The following BMPR1A variants were observed in gnomAD, a reference collection of about 807,000 sequenced individuals.
BMPR1A encodes bone morphogenetic protein receptor type-1A.
A neutral mutation model predicts 66.0 loss-of-function variants in BMPR1A; 7 were observed. That is an observed-to-expected ratio of 0.11 (90% CI 0.06 to 0.20). BMPR1A has a LOEUF of 0.20. BMPR1A is among the 10% of genes least tolerant of loss of function. The probability of loss-of-function intolerance (pLI) is 1.00; values close to 1 mark genes in which losing one functional copy is unlikely to be tolerated. For synonymous variants in BMPR1A, 200 were observed against 229.7 expected, an observed-to-expected ratio of 0.87 and a Z score of 1.17; for missense variants, 408 against 669.1, an observed-to-expected ratio of 0.61 and a Z score of 4.31.
At chr10:86,868,551 G>A (rs1029079929) in intron 2 of BMPR1A, among the ~76,000 whole-genome samples, 2 of 152,240 alleles carry the variant, frequency 1.3e-5, no homozygotes, top group African/African-American at 4.8e-5. Flanking sequence ...TTCCTTCTCA[G>A]AAAGCTTGTC....
At chr10:86,876,225 A>G (rs1185990220) in intron 3 of BMPR1A, 140 bp downstream of exon 3, 1 of 745,932 alleles carries the variant, frequency 1.3e-6, no homozygotes, top group Admixed American at 2.2e-5. Flanking sequence ...CAAAGATGAA[A>G]CACGTGCCAA....
intron 1 of BMPR1A, among the ~76,000 whole-genome samples, chr10:86,783,067 A>G (rs144201267): frequency 6.6e-6 from 1 of 152,188 alleles, no homozygotes; most frequent in Non-Finnish European, 1.5e-5. Flanking sequence ...ATAAGGATCC[A>G]TCTTCATTCT....
chr10:86,905,089 C>T (rs999853465), intron 7 of BMPR1A, among the ~76,000 whole-genome samples: 6 of 152,150 alleles, frequency 3.9e-5, no homozygotes, highest in African/African-American at 1.2e-4. Context: ...TTTTGTTTGC[C>T]TCATTAATAT....
At chr10:86,829,110 A>G (rs369716329) in intron 1 of BMPR1A, among the ~76,000 whole-genome samples, 14 of 152,160 alleles carry the variant, frequency 9.2e-5, no homozygotes, top group East Asian at 3.9e-4. Flanking sequence ...CTGAGCACCC[A>G]GAAGTTGACC....
At chr10:86,862,996 CTCTGAGACAG>C (rs1422559973) in intron 2 of BMPR1A, among the ~76,000 whole-genome samples, 16 of 150,506 alleles carry the variant, frequency 1.1e-4, no homozygotes, top group African/African-American at 3.9e-4. Flanking sequence ...TTTTTTCCCC[CTCTGAGACAG>C]TCTCGCTTTG....
At chr10:86,895,050 A>G (rs1843206543) in intron 5 of BMPR1A, among the ~76,000 whole-genome samples, 1 of 152,200 alleles carries the variant, frequency 6.6e-6, no homozygotes, top group South Asian at 2.1e-4. Flanking sequence ...TAAAACTTCA[A>G]GGTTCCAAAC....
chr10:86,881,522 C>T (rs371552611), intron 3 of BMPR1A, among the ~76,000 whole-genome samples: 44 of 152,240 alleles, frequency 2.9e-4, no homozygotes, highest in African/African-American at 1.1e-3. Flanking sequence ...CATTTGGTTC[C>T]CTCCTGCCCA....
intron 2 of BMPR1A, among the ~76,000 whole-genome samples, chr10:86,869,407 A>T (rs1331526409): frequency 6.8e-6 from 1 of 147,664 alleles, no homozygotes; most frequent in Non-Finnish European, 1.5e-5. Flanking sequence ...CAGTGAGCAG[A>T]GGTTGCACCA....
intron 2 of BMPR1A, among the ~76,000 whole-genome samples, chr10:86,843,052 C>T (rs553272830): frequency 2.6e-5 from 4 of 152,122 alleles, no homozygotes; most frequent in Non-Finnish European, 5.9e-5. Flanking sequence ...ACTAGAGAGA[C>T]AAGTTAGGCT....
intron 1 of BMPR1A, among the ~76,000 whole-genome samples, chr10:86,796,430 A>G (rs535232279): frequency 6.6e-6 from 1 of 152,114 alleles, no homozygotes; most frequent in Non-Finnish European, 1.5e-5. Context: ...TTTACTTACT[A>G]CCCTTCTGAA....
At position 86,835,549 on chromosome 10, in the gene BMPR1A, C is replaced by CAAAAAAAAAAAAAAAAAAAAAAAAAA. The variant is rs55804247; in HGVS notation, c.-267-3302_-267-3277dup. Among the ~76,000 whole-genome samples, 12 of 44,328 alleles carry CAAAAAAAAAAAAAAAAAAAAAAAAAA rather than the reference C, an allele frequency of 2.7e-4. 3 individuals are homozygous for CAAAAAAAAAAAAAAAAAAAAAAAAAA. The highest frequency in any genetic ancestry group is 5.2e-4 in the African/African-American group (5 of 9,622). The allele number at this position is 44,328 out of a possible 152,430, so 29.1% of individuals were successfully genotyped here. A position where few individuals can be genotyped will look rare whatever the true frequency, so the allele number is the denominator to read the frequency against. On this transcript the variant is annotated intron_variant, in intron 1 of 12. Transcript: ENST00000372037. ...CTGGGTGACAAGCAAGACTCTGTAT[C>CAAAAAAAAAAAAAAAAAAAAAAAAAA]AAAAAAAAAAAAAAAAAAAAAAAAA...
chr10:86,827,517 T>C (rs1782700782), intron 1 of BMPR1A, among the ~76,000 whole-genome samples: 2 of 152,198 alleles, frequency 1.3e-5, no homozygotes, highest in South Asian at 4.1e-4. Context: ...GCGTGGCTCA[T>C]GGTAGCTAAG....
intron 1 of BMPR1A, among the ~76,000 whole-genome samples, chr10:86,788,463 T>G (rs1841549789): frequency 6.6e-6 from 1 of 152,198 alleles, no homozygotes; most frequent in Non-Finnish European, 1.5e-5. Context: ...TGTCCAGACA[T>G]TGGTCTTAGG....
At chr10:86,877,857 A>G (rs562409897) in intron 3 of BMPR1A, among the ~76,000 whole-genome samples, 2 of 152,340 alleles carry the variant, frequency 1.3e-5, no homozygotes, top group South Asian at 2.1e-4. Flanking sequence ...CACGTAGGCA[A>G]TATGATACAA....
intron 7 of BMPR1A, among the ~76,000 whole-genome samples, chr10:86,900,547 G>C (rs976560265): frequency 3.3e-5 from 5 of 151,804 alleles, no homozygotes; most frequent in African/African-American, 1.2e-4. Context: ...GTCCCTAATG[G>C]ATATAAACTT....
At chr10:86,795,620 GC>G (rs2132821235) in intron 1 of BMPR1A, among the ~76,000 whole-genome samples, 1 of 152,218 alleles carries the variant, frequency 6.6e-6, no homozygotes, top group South Asian at 2.1e-4. Context: ...GTATGCATTT[GC>G]CACTATGTCT....
intron 1 of BMPR1A, among the ~76,000 whole-genome samples, chr10:86,770,183 C>G (rs1841231640): frequency 6.6e-6 from 1 of 152,144 alleles, no homozygotes; most frequent in Non-Finnish European, 1.5e-5. Context: ...CCCAGCTGCT[C>G]AGGAGGCTGA....
intron 7 of BMPR1A, among the ~76,000 whole-genome samples, chr10:86,906,315 G>A (rs1207369672): frequency 2.0e-5 from 3 of 152,030 alleles, no homozygotes; most frequent in Non-Finnish European, 4.4e-5. Context: ...GCGTGTGTGT[G>A]TGTTTCTTTT....
intron 1 of BMPR1A, among the ~76,000 whole-genome samples, chr10:86,763,418 T>C (rs1841105444): frequency 6.6e-6 from 1 of 152,192 alleles, no homozygotes; most frequent in South Asian, 2.1e-4. Context: ...TTCGTTTCTT[T>C]ATCTTAAAAA....
Sources: gnomAD v4.1 joint callset for allele counts (sites outside exome capture counted in the v4.1 genomes callset) on GRCh38, gnomAD v4.1.1 for gene constraint, MANE v1.5 for transcripts, NCBI Gene and HGNC (gene_info 2026-07-23, HGNC 2026-07-21) for gene names.